YAF2: variants seen among roughly 807,000 people sequenced by gnomAD.
YAF2 encodes the protein YY1 associated factor 2.
In YAF2, 7 loss-of-function variants were observed where a neutral mutation model predicts 20.1. That is an observed-to-expected ratio of 0.35 (90% CI 0.20 to 0.65). YAF2 has a LOEUF of 0.65. Ranked by LOEUF, YAF2 falls within the 30% of genes least tolerant of loss-of-function variation. The pLI is 0.69. For missense variants in YAF2, 151 were observed against 219.2 expected, an observed-to-expected ratio of 0.69 and a Z score of 1.96; for synonymous variants, 74 against 76.0, an observed-to-expected ratio of 0.97 and a Z score of 0.14.
intron 2 of YAF2, among the ~76,000 whole-genome samples, chr12:42,186,706 AAAG>A (rs1312855647): frequency 1.3e-5 from 2 of 152,150 alleles, no homozygotes; most frequent in African/African-American, 4.8e-5. Context: ...GAAAAAAAGA[AAAG>A]AAATTAACTT....
At chr12:42,177,466 G>A (rs1202697980) in intron 2 of YAF2, among the ~76,000 whole-genome samples, 1 of 152,120 alleles carries the variant, frequency 6.6e-6, no homozygotes, top group African/African-American at 2.4e-5. Context: ...TTTCCTCAGT[G>A]CATGCACAGG....
chr12:42,214,383 T>C (rs1160634759), intron 2 of YAF2, among the ~76,000 whole-genome samples: 33 of 152,174 alleles, frequency 2.2e-4, no homozygotes, highest in Non-Finnish European at 1.5e-5. Flanking sequence ...GCCATTCTCT[T>C]ACCTCAGCCT....
At chr12:42,163,278 A>G (rs1228867030) in intron 2 of YAF2, among the ~76,000 whole-genome samples, 2 of 152,230 alleles carry the variant, frequency 1.3e-5, no homozygotes, top group Admixed American at 1.3e-4. Flanking sequence ...AGCTGGACAG[A>G]TAAGAAGGGA....
At chr12:42,188,999 T>C (rs59876649) in intron 2 of YAF2, among the ~76,000 whole-genome samples, 7,055 of 152,222 alleles carry the variant, frequency 0.046, 260 homozygotes, top group East Asian at 0.15. Flanking sequence ...GCTGAGACTA[T>C]ACCTACAACT....
chr12:42,233,790 G>C, intron 2 of YAF2: 4 of 985,450 alleles, frequency 4.1e-6, no homozygotes, highest in African/African-American at 1.7e-5. Context: ...TGGGCTTACA[G>C]GTGTGGGCCA....
chr12:42,237,918 G>A (rs2068233427), intron 1 of YAF2, 194 bp from the exon 2 acceptor site: 4 of 473,270 alleles, frequency 8.5e-6, no homozygotes, highest in Non-Finnish European at 1.1e-5. Flanking sequence ...CGCGGCCGCA[G>A]TCGCCGCCGC....
chr12:42,212,341 T>C (rs978107862), intron 2 of YAF2: 2 of 243,484 alleles, frequency 8.2e-6, no homozygotes, highest in Admixed American at 1.1e-4. Context: ...TTCATTTTAA[T>C]GTGCCACAGC....
intron 2 of YAF2, among the ~76,000 whole-genome samples, chr12:42,171,438 T>C (rs1294725060): frequency 6.6e-6 from 1 of 151,908 alleles, no homozygotes; most frequent in East Asian, 1.9e-4. Context: ...TGCAGTGCAC[T>C]ATGATCATAC....
intron 2 of YAF2, among the ~76,000 whole-genome samples, chr12:42,166,671 T>C (rs1214365027): frequency 6.6e-6 from 1 of 152,186 alleles, no homozygotes; most frequent in East Asian, 1.9e-4. Flanking sequence ...TTCCCTTATA[T>C]GGTCAATTTC....
At chr12:42,171,495 C>A (rs77573743) in intron 2 of YAF2, among the ~76,000 whole-genome samples, 4,539 of 145,572 alleles carry the variant, frequency 0.031, 92 homozygotes, top group Non-Finnish European at 0.043. Context: ...TGGTATGACC[C>A]CATCTCTTTA....
intron 2 of YAF2, among the ~76,000 whole-genome samples, chr12:42,175,607 T>C (rs2066163033): frequency 6.6e-6 from 1 of 150,544 alleles, no homozygotes; most frequent in Admixed American, 6.6e-5. Flanking sequence ...CCAGGCACGG[T>C]GGCTCACGCC....
At chr12:42,179,377 G>A (rs1362577499) in intron 2 of YAF2, among the ~76,000 whole-genome samples, 1 of 152,224 alleles carries the variant, frequency 6.6e-6, no homozygotes, top group Non-Finnish European at 1.5e-5. Flanking sequence ...GGCTGAGGCA[G>A]GAGAATCGCT....
At chr12:42,197,270 T>C (rs1367856689) in intron 2 of YAF2, among the ~76,000 whole-genome samples, 1 of 152,214 alleles carries the variant, frequency 6.6e-6, no homozygotes, top group Non-Finnish European at 1.5e-5. Context: ...TTCCTTTGGC[T>C]ATGAACCCTC....
At position 42,157,971 on chromosome 12, in the gene YAF2, C is replaced by G. The variant is rs2065735711; in HGVS notation, c.*2618G>C. On this transcript the variant is annotated 3_prime_UTR_variant, in exon 4 of 4. Transcript: ENST00000534854. ...TAAGGTAATAAATGCTGGAAAACAT[C>G]CAAATTCTTTTTGTATGGAATTTGG... The G allele has an allele frequency of 6.6e-6, 1 of 152,112 alleles. No individual in the cohort carries two copies. The highest frequency in any genetic ancestry group is 1.5e-5 in the Non-Finnish European group (1 of 68,020). The allele number at this position is 152,112 out of a possible 1,614,324, so 9.4% of individuals were successfully genotyped here.
chr12:42,175,821 A>G (rs1206771987), intron 2 of YAF2, among the ~76,000 whole-genome samples: 2 of 151,520 alleles, frequency 1.3e-5, no homozygotes, highest in Non-Finnish European at 2.9e-5. Flanking sequence ...GTAGGCTCAA[A>G]TTTTTTGAAA....
At chr12:42,208,829 C>A (rs1015321185) in intron 2 of YAF2, among the ~76,000 whole-genome samples, 1 of 152,096 alleles carries the variant, frequency 6.6e-6, no homozygotes, top group Non-Finnish European at 1.5e-5. Context: ...TAAGAACAAA[C>A]AAAAGTTTCA....
rs371396488 is a variant in YAF2, at chr12:42,220,521, T to C, written c.152+17078A>G. On this transcript the variant is annotated intron_variant, in intron 2 of 3. Coordinates refer to ENST00000534854, the MANE Select transcript of YAF2 (RefSeq NM_005748.6). ...AGAAATAAATATTAGTGAAGAGACTTTGGGCTGTGGGGGAACAAAAGACAA... is the reference window on the plus strand; with the variant it reads ...AGAAATAAATATTAGTGAAGAGACTCTGGGCTGTGGGGGAACAAAAGACAA... Among the ~76,000 whole-genome samples the C allele has an allele frequency of 5.3e-5, 8 of 152,178 alleles. No homozygotes were observed. In the East Asian group the frequency reaches 1.2e-3, roughly 22 times the overall value.
At chr12:42,161,834 A>C (rs2065806154) in intron 2 of YAF2, 69 bp from the exon 3 acceptor site, 4 of 1,366,158 alleles carry the variant, frequency 2.9e-6, no homozygotes, top group Middle Eastern at 3.6e-4. Flanking sequence ...ATGACAGAAT[A>C]TCTCACATTA....
chr12:42,196,709 C>G (rs1313688342), intron 2 of YAF2, among the ~76,000 whole-genome samples: 1 of 152,158 alleles, frequency 6.6e-6, no homozygotes, highest in Non-Finnish European at 1.5e-5. Flanking sequence ...GTTGCTACAT[C>G]TTTCTTTTTA....
Sources: allele counts gnomAD v4.1 joint callset (sites outside exome capture counted in the v4.1 genomes callset), GRCh38; gene constraint gnomAD v4.1.1; transcripts MANE v1.5; gene names NCBI Gene and HGNC (gene_info 2026-07-23, HGNC 2026-07-21).